PCDHA2: variants seen among roughly 807,000 people sequenced by gnomAD.
PCDHA2 encodes protocadherin alpha 2, also known as protocadherin alpha-2.
PCDHA2 carries 58 observed loss-of-function variants against 66.0 expected under a neutral mutation model. That is an observed-to-expected ratio of 0.88 (90% CI 0.71 to 1.09). The LOEUF is 1.09. Ranked by LOEUF, PCDHA2 falls within the 50% of genes least tolerant of loss-of-function variation. PCDHA2 has a pLI of 0.00. For synonymous variants in PCDHA2, 634 were observed against 554.0 expected (o/e 1.14, Z -2.03); for missense variants, 1,267 against 1,242.3 (o/e 1.02, Z -0.30).
intron 1 of PCDHA2, chr5:140,871,453 G>A (rs1554165628): frequency 6.2e-7 from 1 of 1,607,586 alleles, no homozygotes; most frequent in Non-Finnish European, 8.5e-7. Flanking sequence ...TAAAGAGGAG[G>A]AAGGGGAAAG....
chr5:140,849,798 C>T (rs1356253349), intron 1 of PCDHA2: 4 of 1,598,532 alleles, frequency 2.5e-6, no homozygotes, highest in Non-Finnish European at 3.4e-6. Context: ...CTCGCCTTCA[C>T]TGTGGGCCAC....
At chr5:140,842,654 G>A in intron 1 of PCDHA2, 1 of 1,595,506 alleles carries the variant, frequency 6.3e-7, no homozygotes, top group Non-Finnish European at 8.6e-7. Context: ...GTCTGTGGAG[G>A]TGGCCGACGT....
At chr5:140,800,890 T>C (rs1762610015) in intron 1 of PCDHA2, 3 of 358,494 alleles carry the variant, frequency 8.4e-6, no homozygotes, top group African/African-American at 2.1e-5. Context: ...ATAAGGACTT[T>C]GAGGAGTGAC....
chr5:140,847,059 G>A (rs1780837481), intron 1 of PCDHA2, among the ~76,000 whole-genome samples: 1 of 149,712 alleles, frequency 6.7e-6, no homozygotes, highest in East Asian at 1.9e-4. Context: ...GACACAGAAA[G>A]CATCAATATG....
intron 1 of PCDHA2, chr5:140,883,985 G>A (rs782534317): frequency 1.2e-6 from 2 of 1,612,814 alleles, no homozygotes; most frequent in Admixed American, 1.7e-5. Context: ...GGCTGGCAGC[G>A]CGGGAGGCAC....
Position 141,011,543 on chromosome 5 carries a change from G to T in PCDHA2, c.*1606G>T, listed in dbSNP as rs1478395558. The stretch of plus-strand genomic sequence containing the variant: ...TTTTAACCATTGTTAATCAGCTTTT[G>T]TGTATGAAAGACACAGTAAAATTTC... On this transcript the variant is annotated 3_prime_UTR_variant, in exon 4 of 4. Coordinates refer to ENST00000526136, the MANE Select transcript of PCDHA2 (RefSeq NM_018905.3). 1.3e-5 allele frequency: 2 copies of T among 153,468 alleles called. No individual in the cohort carries two copies. Among genetic ancestry groups the T allele is most frequent in the African/African-American group, 4.8e-5 (2 of 41,376 alleles). The allele number at this position is 153,468 out of a possible 1,614,324, so 9.5% of individuals were successfully genotyped here. A position where few individuals can be genotyped will look rare whatever the true frequency, so the allele number is the denominator to read the frequency against.
At chr5:140,839,779 T>A (rs1475940680) in intron 1 of PCDHA2, among the ~76,000 whole-genome samples, 1 of 152,032 alleles carries the variant, frequency 6.6e-6, no homozygotes, top group Non-Finnish European at 1.5e-5. Context: ...TGGTAAGAAT[T>A]TTGTAGAAAT....
At chr5:140,953,035 C>A (rs2094836412) in intron 1 of PCDHA2, among the ~76,000 whole-genome samples, 1 of 152,116 alleles carries the variant, frequency 6.6e-6, no homozygotes, top group Admixed American at 6.5e-5. Flanking sequence ...GGAAATCCAC[C>A]CCCATGATCC....
intron 1 of PCDHA2, chr5:140,926,774 A>G: frequency 7.2e-7 from 1 of 1,380,760 alleles, no homozygotes; most frequent in Non-Finnish European, 9.4e-7. Flanking sequence ...AGCCCGCAGC[A>G]GTGACGGCCG....
In PCDHA2 at chr5:140,852,860, T is replaced by C. The variant is rs2150523334; in HGVS notation, c.2388+55508T>C. On this transcript the variant is annotated intron_variant, in intron 1 of 3. Transcript: ENST00000526136. ...GAGCTAGTACTTACTAAGCATTTAC[T>C]ATGTCATCAATAATCATAAAACGTA... is the stretch of plus-strand genomic sequence containing the variant. 26 of 961,500 alleles carry C rather than the reference T, an allele frequency of 2.7e-5. 2 individuals are homozygous for C. Among genetic ancestry groups the C allele is most frequent in the Admixed American group, 1.9e-4 (3 of 15,764 alleles). 59.6% of individuals were successfully genotyped at this position (961,500 alleles called of 1,614,324 possible).
At chr5:140,886,852 G>T (rs1554182787) in intron 1 of PCDHA2, among the ~76,000 whole-genome samples, 1 of 146,470 alleles carries the variant, frequency 6.8e-6, no homozygotes, top group Non-Finnish European at 1.5e-5. Flanking sequence ...AAAAAAGAAA[G>T]GTCTTCCCAA....
At chr5:140,841,614 G>T in intron 1 of PCDHA2, 2 of 1,614,122 alleles carry the variant, frequency 1.2e-6, no homozygotes, top group South Asian at 1.1e-5. Context: ...CTGTGCGGGC[G>T]GAGCGCGGAG....
intron 1 of PCDHA2, chr5:140,808,545 C>T (rs782621345): frequency 9.3e-6 from 15 of 1,614,116 alleles, no homozygotes; most frequent in South Asian, 8.8e-5. Context: ...GACAACGCTC[C>T]GGCGTTCGCG....
At chr5:140,889,835 C>A (rs899287696) in intron 1 of PCDHA2, among the ~76,000 whole-genome samples, 10 of 152,080 alleles carry the variant, frequency 6.6e-5, no homozygotes, top group African/African-American at 2.2e-4. Context: ...TTACAGTATG[C>A]TTTGGTCTCT....
At chr5:140,831,068 A>G (rs1322669648) in intron 1 of PCDHA2, 1 of 152,158 alleles carries the variant, frequency 6.6e-6, no homozygotes, top group Non-Finnish European at 1.5e-5. Flanking sequence ...CCCCTTTTAA[A>G]CCATTGAGGA....
intron 1 of PCDHA2, chr5:140,856,523 G>T: frequency 6.3e-7 from 1 of 1,598,526 alleles, no homozygotes; most frequent in Non-Finnish European, 8.6e-7. Context: ...CGCATCTGAT[G>T]CGGATGTTGG....
At chr5:140,968,229 TC>T in intron 1 of PCDHA2, 2 of 1,613,970 alleles carry the variant, frequency 1.2e-6, no homozygotes, top group Non-Finnish European at 1.7e-6. Flanking sequence ...GGTGTGTTGC[TC>T]TGTACTGTGC....
chr5:140,823,412 G>A, intron 1 of PCDHA2: 2 of 1,613,222 alleles, frequency 1.2e-6, no homozygotes. Context: ...CCTCTGGGCA[G>A]CAACGTGACG....
chr5:140,986,011 T>A (rs1172713730), intron 3 of PCDHA2, among the ~76,000 whole-genome samples: 1 of 152,184 alleles, frequency 6.6e-6, no homozygotes, highest in Non-Finnish European at 1.5e-5. Flanking sequence ...AGTGCTGGGA[T>A]TACAGGCGTG....
Sources: gnomAD v4.1 joint callset for allele counts (sites outside exome capture counted in the v4.1 genomes callset) on GRCh38, gnomAD v4.1.1 for gene constraint, MANE v1.5 for transcripts, NCBI Gene and HGNC (gene_info 2026-07-23, HGNC 2026-07-21) for gene names.